Variants in CHRM2 observed in about 807,000 individuals in gnomAD.
CHRM2 encodes muscarinic acetylcholine receptor M2.
In CHRM2, 8 loss-of-function variants were observed where a neutral mutation model predicts 25.0. That is an observed-to-expected ratio of 0.32 (90% CI 0.19 to 0.58). The LOEUF is 0.58. CHRM2 is among the 20% of genes least tolerant of loss of function. CHRM2 has a pLI of 0.88. For missense variants in CHRM2, 440 were observed against 567.1 expected (o/e 0.78, Z 2.28); for synonymous variants, 202 against 205.7 (o/e 0.98, Z 0.15).
At chr7:136,892,246 A>G (rs906042674) in intron 2 of CHRM2, among the ~76,000 whole-genome samples, 1 of 152,168 alleles carries the variant, frequency 6.6e-6, no homozygotes, top group African/African-American at 2.4e-5. Flanking sequence ...AACATCAGTT[A>G]TTTTTCTTGT....
At position 136,890,956 on chromosome 7, in the gene CHRM2, G is replaced by A. The variant is rs79651144; in HGVS notation, c.-125+21538G>A. Among the ~76,000 whole-genome samples the A allele has an allele frequency of 1.9e-3, 290 of 152,192 alleles. 1 individual carries two copies. The highest frequency in any genetic ancestry group is 6.5e-3 in the African/African-American group (270 of 41,520). On this transcript the variant is annotated intron_variant, in intron 2 of 3. Transcript: ENST00000680005. ...TCCTTCTGTTACATTCATCCCTACT[G>A]TGTCTCCTTTCTTTCTCACCTTATA...
At chr7:136,901,222 C>T (rs1025242484) in intron 2 of CHRM2, among the ~76,000 whole-genome samples, 5 of 151,846 alleles carry the variant, frequency 3.3e-5, no homozygotes, top group South Asian at 2.1e-4. Context: ...GTGAGAATTA[C>T]GTGAAATTAA....
intron 2 of CHRM2, among the ~76,000 whole-genome samples, chr7:136,919,124 T>C (rs574211531): frequency 6.6e-6 from 1 of 152,210 alleles, no homozygotes; most frequent in South Asian, 2.1e-4. Context: ...TGTTATAATA[T>C]TTTATCTTTC....
intron 3 of CHRM2, among the ~76,000 whole-genome samples, chr7:137,005,169 A>G (rs1804339217): frequency 6.6e-6 from 1 of 152,058 alleles, no homozygotes; most frequent in African/African-American, 2.4e-5. Flanking sequence ...GTGTCCATTA[A>G]GCTCATACTT....
intron 2 of CHRM2, among the ~76,000 whole-genome samples, chr7:136,926,152 C>T (rs963648678): frequency 2.0e-5 from 3 of 152,106 alleles, no homozygotes; most frequent in Admixed American, 6.6e-5. Context: ...CAGGAGATTG[C>T]TTAAACCTGG....
At chr7:136,875,242 G>A (rs541533607) in intron 2 of CHRM2, among the ~76,000 whole-genome samples, 4 of 151,524 alleles carry the variant, frequency 2.6e-5, no homozygotes, top group Admixed American at 1.3e-4. Flanking sequence ...ACACGCGTGA[G>A]AAAGAAAGAG....
At chr7:136,912,861 T>C (rs951444188) in intron 2 of CHRM2, among the ~76,000 whole-genome samples, 9 of 151,976 alleles carry the variant, frequency 5.9e-5, no homozygotes, top group African/African-American at 2.2e-4. Context: ...TTTCATCCTC[T>C]ATGAAACGCG....
chr7:136,993,427 A>G (rs909144429), intron 3 of CHRM2, among the ~76,000 whole-genome samples: 14 of 152,190 alleles, frequency 9.2e-5, no homozygotes, highest in African/African-American at 2.2e-4. Flanking sequence ...CAGTGGGCCA[A>G]TTGTTTTTAG....
intron 3 of CHRM2, among the ~76,000 whole-genome samples, chr7:137,001,979 T>G (rs1007502496): frequency 6.6e-6 from 1 of 152,030 alleles, no homozygotes. Flanking sequence ...ATAGAATGGT[T>G]GAAGGAAAGA....
chr7:137,001,902 G>A (rs1692910139), intron 3 of CHRM2, among the ~76,000 whole-genome samples: 1 of 152,118 alleles, frequency 6.6e-6, no homozygotes, highest in African/African-American at 2.4e-5. Context: ...GAGAGATTGG[G>A]AAACTGTCCT....
At chr7:136,873,821 G>A (rs915446621) in intron 2 of CHRM2, among the ~76,000 whole-genome samples, 2 of 152,196 alleles carry the variant, frequency 1.3e-5, no homozygotes, top group East Asian at 3.8e-4. Flanking sequence ...CAAACCTTAA[G>A]CAAAGAAGAG....
chr7:136,961,568 T>C (rs546385860), intron 2 of CHRM2, among the ~76,000 whole-genome samples: 1 of 152,152 alleles, frequency 6.6e-6, no homozygotes, highest in South Asian at 2.1e-4. Flanking sequence ...AAATTTCTAA[T>C]TTTTTTTCAT....
At chr7:136,872,480 C>T (rs536486877) in intron 2 of CHRM2, among the ~76,000 whole-genome samples, 18 of 152,300 alleles carry the variant, frequency 1.2e-4, no homozygotes, top group African/African-American at 3.1e-4. Flanking sequence ...TTGACCCTAT[C>T]GCCTTCATTG....
chr7:136,902,213 A>G (rs1266859552), intron 2 of CHRM2: 1 of 61,222 alleles, frequency 1.6e-5, no homozygotes, highest in Admixed American at 1.4e-4. Context: ...CGATCTATCT[A>G]TCCATCCATC....
At chr7:136,944,567 GTTGA>G (rs1029350030) in intron 2 of CHRM2, among the ~76,000 whole-genome samples, 3 of 151,784 alleles carry the variant, frequency 2.0e-5, no homozygotes, top group African/African-American at 7.3e-5. Context: ...TTATCCACTG[GTTGA>G]TTGATGAGCA....
intron 2 of CHRM2, chr7:136,898,760 G>A (rs940333439): frequency 6.6e-6 from 1 of 151,916 alleles, no homozygotes; most frequent in Non-Finnish European, 1.5e-5. Context: ...ATGCTATAAT[G>A]GCCACACAAA....
chr7:137,000,281 C>G (rs1191242382), intron 3 of CHRM2, among the ~76,000 whole-genome samples: 4 of 147,142 alleles, frequency 2.7e-5, no homozygotes, highest in African/African-American at 1.0e-4. Flanking sequence ...TCACTGCAAC[C>G]TCCACCTCCC....
chr7:136,937,344 T>C (rs1286840541), intron 2 of CHRM2, among the ~76,000 whole-genome samples: 4 of 152,010 alleles, frequency 2.6e-5, no homozygotes, highest in African/African-American at 9.7e-5. Context: ...TCAAACTGAA[T>C]GTAAGAATTA....
At chr7:136,999,056 T>C (rs1439916272) in intron 3 of CHRM2, among the ~76,000 whole-genome samples, 1 of 152,200 alleles carries the variant, frequency 6.6e-6, no homozygotes, top group East Asian at 1.9e-4. Context: ...ACATAGTAGG[T>C]TTATTTAATT....
Sources: gnomAD v4.1 joint callset for allele counts (sites outside exome capture counted in the v4.1 genomes callset) on GRCh38, gnomAD v4.1.1 for gene constraint, MANE v1.5 for transcripts, NCBI Gene and HGNC (gene_info 2026-07-23, HGNC 2026-07-21) for gene names.